Variants in ATP2C2 observed in about 807,000 individuals in gnomAD.
ATP2C2 encodes the protein calcium-transporting ATPase type 2C member 2.
In ATP2C2, 171 loss-of-function variants were observed where a neutral mutation model predicts 110.8. The observed-to-expected ratio is 1.54, with a 90% CI of 1.36 to 1.75. The LOEUF (loss-of-function observed/expected upper bound fraction) is 1.75, where lower values mean the gene tolerates loss of function less well. Ranked by LOEUF, ATP2C2 falls within the 40% of genes most tolerant of loss-of-function variation. The pLI is 0.00. For synonymous variants in ATP2C2, 804 were observed against 508.4 expected (o/e 1.58, Z -7.82); for missense variants, 1,963 against 1,235.0 (o/e 1.59, Z -8.84).
chr16:84,463,730 T>TAGTGGA lies in ATP2C2; in HGVS notation c.2840_*4dup, dbSNP rs149491518. On this transcript the variant is annotated inframe_insertion and stop_retained_variant, in exon 27 of 27. Transcript: ENST00000262429. The stretch of plus-strand genomic sequence containing the variant: ...AGTCCAGATGCACCCTGAAGATGTG[T>TAGTGGA]AGTGGACCGCACTCCGCGGCACCTT... The TAGTGGA allele has an allele frequency of 2.2e-3, 3,621 of 1,609,526 alleles. 76 individuals are homozygous for TAGTGGA. In the African/African-American group the frequency reaches 0.044, roughly 19 times the overall value.
chr16:84,395,568 C>G (rs117415696), intron 1 of ATP2C2, among the ~76,000 whole-genome samples: 4 of 150,002 alleles, frequency 2.7e-5, no homozygotes, highest in Admixed American at 2.6e-4. Flanking sequence ...AAGCAATTCT[C>G]CCTGACTCTG....
chr16:84,410,887 C>G, intron 6 of ATP2C2, 122 bp downstream of exon 6: 1 of 980,810 alleles, frequency 1.0e-6, no homozygotes, highest in Non-Finnish European at 1.5e-6. Flanking sequence ...CCACATCTCA[C>G]TGGGAGTTCT....
chr16:84,462,200 G>T (rs1911445881), intron 26 of ATP2C2, 71 bp downstream of exon 26: 13 of 1,562,810 alleles, frequency 8.3e-6, no homozygotes, highest in Non-Finnish European at 1.1e-5. Flanking sequence ...GCCAGGTGGG[G>T]AGCTGCAGCC....
At chr16:84,446,527 C>G (rs948132238) in intron 16 of ATP2C2, 97 bp downstream of exon 16, 2 of 809,852 alleles carry the variant, frequency 2.5e-6, no homozygotes, top group Non-Finnish European at 1.9e-6. Context: ...TTTGAAAGTT[C>G]CTGGCTGCTT....
rs1356375396 is a variant in ATP2C2, at chr16:84,398,426, A to C, written c.100-73A>C. The C allele has an allele frequency of 5.4e-6, 5 of 930,598 alleles. No homozygotes were observed. The Admixed American group carries it at 1.1e-4, about 20-fold the overall frequency. 57.6% of individuals were successfully genotyped at this position (930,598 alleles called of 1,614,324 possible). ...ATCTCAAAAAAATAAACTAATAAAA[A>C]TAAAAAATAAATTTAAAAATTAATC... On this transcript the variant is annotated intron_variant, in intron 1 of 26. Coordinates refer to ENST00000262429, the MANE Select transcript of ATP2C2 (RefSeq NM_014861.4).
intron 4 of ATP2C2, among the ~76,000 whole-genome samples, chr16:84,409,422 A>G (rs1475932758): frequency 6.6e-6 from 1 of 152,226 alleles, no homozygotes; most frequent in Non-Finnish European, 1.5e-5. Context: ...CACGTTGTGC[A>G]CATGTACCCT....
chr16:84,426,925 G>A (rs1475929990), intron 11 of ATP2C2, among the ~76,000 whole-genome samples: 2 of 152,148 alleles, frequency 1.3e-5, no homozygotes, highest in Admixed American at 6.5e-5. Context: ...GGAGAGGCAC[G>A]GGCAGCCCAG....
chr16:84,441,000 T>C (rs1460672128), intron 14 of ATP2C2, 42 bp downstream of exon 14: 1 of 1,480,130 alleles, frequency 6.8e-7, no homozygotes, highest in East Asian at 2.3e-5. Context: ...GCATTTACAT[T>C]GAGGCTTCTG....
chr16:84,425,332 C>T (rs943640315), intron 10 of ATP2C2, among the ~76,000 whole-genome samples: 2 of 152,148 alleles, frequency 1.3e-5, no homozygotes, highest in Non-Finnish European at 2.9e-5. Context: ...ATGAGTACCA[C>T]AGAGTAAAAT....
At chr16:84,387,475 G>T (rs1365454005) in intron 1 of ATP2C2, among the ~76,000 whole-genome samples, 2 of 152,134 alleles carry the variant, frequency 1.3e-5, no homozygotes, top group Admixed American at 1.3e-4. Context: ...TTGCGCCATT[G>T]CACTCCAGCC....
chr16:84,418,348 CCCTGGGAG>C (rs1157470537), intron 7 of ATP2C2, among the ~76,000 whole-genome samples: 5 of 152,084 alleles, frequency 3.3e-5, no homozygotes, highest in Non-Finnish European at 1.5e-5. Flanking sequence ...TGAGATTGTG[CCCTGGGAG>C]CCTGGGAGGT....
chr16:84,442,254 C>T (rs941877856), intron 14 of ATP2C2, among the ~76,000 whole-genome samples: 1 of 152,130 alleles, frequency 6.6e-6, no homozygotes, highest in African/African-American at 2.4e-5. Context: ...CGGTCGCTCC[C>T]CGTTACCCCA....
At chr16:84,387,970 T>G (rs1260177711) in intron 1 of ATP2C2, among the ~76,000 whole-genome samples, 3 of 151,242 alleles carry the variant, frequency 2.0e-5, no homozygotes, top group African/African-American at 7.3e-5. Flanking sequence ...TGTGGAGCCC[T>G]GATGGCCTCA....
intron 7 of ATP2C2, 52 bp downstream of exon 7, chr16:84,415,643 G>C: frequency 5.5e-6 from 8 of 1,458,124 alleles, no homozygotes; most frequent in Non-Finnish European, 7.6e-6. Flanking sequence ...GCTGGTCAAG[G>C]AGCAGACACT....
At chr16:84,459,893 T>C in intron 23 of ATP2C2, 1 of 331,760 alleles carries the variant, frequency 3.0e-6, no homozygotes, top group Non-Finnish European at 5.8e-6. Context: ...ACTCAGTAGG[T>C]GCTCAGGAGT....
At chr16:84,451,056 T>G (rs1295969917) in intron 17 of ATP2C2, among the ~76,000 whole-genome samples, 2 of 152,090 alleles carry the variant, frequency 1.3e-5, no homozygotes, top group Non-Finnish European at 2.9e-5. Flanking sequence ...GACCTGAGAC[T>G]AGGTAATTTA....
intron 15 of ATP2C2, 57 bp from the exon 16 acceptor site, chr16:84,446,272 T>A: frequency 9.7e-7 from 1 of 1,026,694 alleles, no homozygotes; most frequent in Non-Finnish European, 1.4e-6. Flanking sequence ...GGACTGAGCT[T>A]TGTATAGAGA....
intron 16 of ATP2C2, 70 bp from the exon 17 acceptor site, chr16:84,448,463 A>G (rs1909960409): frequency 6.6e-7 from 1 of 1,510,464 alleles, no homozygotes; most frequent in African/African-American, 1.4e-5. Context: ...CCTTGTGCAG[A>G]GTGGGGTGAT....
intron 11 of ATP2C2, among the ~76,000 whole-genome samples, chr16:84,432,708 A>G (rs11646863): frequency 0.18 from 27,353 of 151,830 alleles, 2,821 homozygotes; most frequent in East Asian, 0.5. Context: ...TTTAATAGAG[A>G]TGGGGTTTCA....
Sources: allele counts gnomAD v4.1 joint callset (sites outside exome capture counted in the v4.1 genomes callset), GRCh38; gene constraint gnomAD v4.1.1; transcripts MANE v1.5; gene names NCBI Gene and HGNC (gene_info 2026-07-23, HGNC 2026-07-21).